Variants in EPB41L1 observed in about 807,000 individuals in gnomAD.
The protein encoded by EPB41L1 is band 4.1-like protein 1.
A neutral mutation model predicts 97.8 loss-of-function variants in EPB41L1; 29 were observed. The ratio of observed to expected loss-of-function variants is 0.30; its 90% CI spans 0.22 to 0.40. The LOEUF (loss-of-function observed/expected upper bound fraction) is 0.40. Ranked by LOEUF, EPB41L1 falls within the 10% of genes least tolerant of loss-of-function variation. The pLI, the probability that EPB41L1 is intolerant of heterozygous loss-of-function variation, is 1.00. For missense variants in EPB41L1, 812 were observed against 1,162.3 expected (o/e 0.70, Z 4.38); for synonymous variants, 383 against 459.2 (o/e 0.83, Z 2.12).
chr20:36,165,536 T>C (rs941964797), intron 1 of EPB41L1, among the ~76,000 whole-genome samples: 4 of 151,956 alleles, frequency 2.6e-5, no homozygotes, highest in African/African-American at 9.7e-5. Context: ...CTGTCTCTAC[T>C]AAAAATACAA....
intron 2 of EPB41L1, among the ~76,000 whole-genome samples, chr20:36,149,115 T>G (rs6121163): frequency 0.07 from 10,655 of 152,188 alleles, 460 homozygotes; most frequent in East Asian, 0.13. Context: ...TTGCATGTCA[T>G]TCTCATAGCT....
At chr20:36,159,388 A>C (rs1345019180) in intron 1 of EPB41L1, among the ~76,000 whole-genome samples, 1 of 152,208 alleles carries the variant, frequency 6.6e-6, no homozygotes, top group East Asian at 1.9e-4. Context: ...AGTGGTGAAC[A>C]CCCACAGAAA....
intron 2 of EPB41L1, among the ~76,000 whole-genome samples, chr20:36,127,265 C>A (rs1055927387): frequency 6.6e-6 from 1 of 152,180 alleles, no homozygotes; most frequent in Non-Finnish European, 1.5e-5. Context: ...CAGTCTGCAT[C>A]CCCACCCCAG....
At chr20:36,217,015 C>T (rs889072314) in intron 17 of EPB41L1, among the ~76,000 whole-genome samples, 7 of 152,134 alleles carry the variant, frequency 4.6e-5, no homozygotes, top group South Asian at 2.1e-4. Context: ...CCTATTGACT[C>T]GGAAACTCTA....
At chr20:36,103,520 G>C (rs1223300741) in intron 1 of EPB41L1, among the ~76,000 whole-genome samples, 1 of 152,112 alleles carries the variant, frequency 6.6e-6, no homozygotes. Context: ...CTCTCTCCGA[G>C]CCTTAATTTT....
chr20:36,180,237 G>GC (rs1569225944), intron 5 of EPB41L1, among the ~76,000 whole-genome samples: 1 of 152,208 alleles, frequency 6.6e-6, no homozygotes, highest in Admixed American at 6.5e-5. Context: ...ACCTTCTGGT[G>GC]CCCCAGTGGA....
chr20:36,190,571 C>T lies in EPB41L1; in HGVS notation c.1125-51C>T. The T allele has an allele frequency of 6.2e-7, 1 of 1,610,274 alleles. No individual in the cohort carries two copies. Among genetic ancestry groups the T allele is most frequent in the Non-Finnish European group, 8.5e-7 (1 of 1,177,776 alleles). On this transcript the variant is annotated intron_variant, in intron 10 of 21. Coordinates refer to ENST00000338074, the MANE Select transcript of EPB41L1 (RefSeq NM_012156.2). The surrounding 1 kb of genome is among the most constrained non-coding windows in gnomAD (Gnocchi z 5.8). ...GGCCAGCTGTGGTCTAACCTTGGGCCTGGCAGTGCAGGTCTGATTCCTCCT... is the reference window on the plus strand; with the variant it reads ...GGCCAGCTGTGGTCTAACCTTGGGCTTGGCAGTGCAGGTCTGATTCCTCCT...
At chr20:36,210,010 C>T (rs2063043060) in intron 15 of EPB41L1, 112 bp downstream of exon 15, 6 of 1,322,608 alleles carry the variant, frequency 4.5e-6, no homozygotes, top group East Asian at 2.5e-5. Context: ...AGCTCTGTCT[C>T]GTGTTGCATG....
At chr20:36,191,452 T>A (rs1001228174) in intron 11 of EPB41L1, among the ~76,000 whole-genome samples, 2 of 152,074 alleles carry the variant, frequency 1.3e-5, no homozygotes, top group Non-Finnish European at 2.9e-5. Flanking sequence ...AGATAGGGCT[T>A]AAAATGTGGT....
intron 14 of EPB41L1, among the ~76,000 whole-genome samples, chr20:36,204,709 T>A (rs1467192662): frequency 1.3e-5 from 2 of 151,102 alleles, no homozygotes. Flanking sequence ...TGGCACAGTC[T>A]CGGCTCACTG....
intron 1 of EPB41L1, among the ~76,000 whole-genome samples, chr20:36,167,153 G>A (rs1245672278): frequency 6.6e-6 from 1 of 152,146 alleles, no homozygotes; most frequent in East Asian, 1.9e-4. Flanking sequence ...ATCTGAAGGT[G>A]GGAGCTGCCA....
At position 36,218,869 on chromosome 20, in the gene EPB41L1, T is replaced by C. The variant is rs1189031386; in HGVS notation, c.2269-7T>C. ...AGCTGGCCATCTGAGCACTATTGTTTCCCCAGGAGAACAGTCTCAAGTCCG... is the reference window on the plus strand; with the variant it reads ...AGCTGGCCATCTGAGCACTATTGTTCCCCCAGGAGAACAGTCTCAAGTCCG... On this transcript the variant is annotated splice_region_variant and splice_polypyrimidine_tract_variant and intron_variant, in intron 17 of 21. Transcript: ENST00000338074. The C allele has an allele frequency of 1.2e-6, 2 of 1,613,934 alleles. No individual in the cohort carries two copies. Among genetic ancestry groups the C allele is most frequent in the Non-Finnish European group, 8.5e-7 (1 of 1,179,954 alleles).
chr20:36,156,558 C>G (rs1223146028), intron 1 of EPB41L1, among the ~76,000 whole-genome samples: 1 of 152,184 alleles, frequency 6.6e-6, no homozygotes, highest in Non-Finnish European at 1.5e-5. Context: ...TTCTGGGGCT[C>G]TTGCAGCTCA....
intron 1 of EPB41L1, among the ~76,000 whole-genome samples, chr20:36,105,490 C>T (rs1180526814): frequency 6.6e-6 from 1 of 152,200 alleles, no homozygotes; most frequent in African/African-American, 2.4e-5. Flanking sequence ...CTGTTTTCTT[C>T]TACTTTACCC....
At chr20:36,126,967 C>T (rs1424497146) in intron 2 of EPB41L1, among the ~76,000 whole-genome samples, 2 of 152,236 alleles carry the variant, frequency 1.3e-5, no homozygotes, top group African/African-American at 4.8e-5. Context: ...GCTGGCACTG[C>T]CTCTGGAGAG....
intron 1 of EPB41L1, among the ~76,000 whole-genome samples, chr20:36,168,848 G>C (rs914322988): frequency 4.6e-5 from 7 of 151,962 alleles, no homozygotes; most frequent in South Asian, 4.2e-4. Flanking sequence ...CGCCACACTG[G>C]GCCACTAAGG....
Position 36,097,289 on chromosome 20 carries a change from CG to C in EPB41L1, c.-65+5681del, listed in dbSNP as rs142944955. 5.3e-3 allele frequency among the ~76,000 whole-genome samples: 803 copies of C among 152,264 alleles called. 6 individuals carry two copies. The highest frequency in any genetic ancestry group is 0.018 in the African/African-American group (756 of 41,528). ...TACTAGCACTGGCTCTACAGTCATT[CG>C]GGGCTTGCCATGTACTAGCTGGGGG... On this transcript the variant is annotated intron_variant, in intron 1 of 19. Transcript: ENST00000202028.
intron 18 of EPB41L1, among the ~76,000 whole-genome samples, chr20:36,219,208 C>T (rs2063628110): frequency 6.6e-6 from 1 of 152,222 alleles, no homozygotes; most frequent in Admixed American, 6.5e-5. Flanking sequence ...GGTAAAGCGG[C>T]CCCTCACCTT....
intron 1 of EPB41L1, among the ~76,000 whole-genome samples, chr20:36,094,250 G>A (rs1490357671): frequency 1.3e-5 from 2 of 152,180 alleles, no homozygotes; most frequent in Non-Finnish European, 2.9e-5. Context: ...TTGTATATTA[G>A]TCTGTGCATG....
Sources: allele counts gnomAD v4.1 joint callset (sites outside exome capture counted in the v4.1 genomes callset), GRCh38; gene constraint gnomAD v4.1.1; non-coding constraint Gnocchi (gnomAD v3.1); transcripts MANE v1.5; gene names NCBI Gene and HGNC (gene_info 2026-07-23, HGNC 2026-07-21).